Variants in LUZP2 observed in about 807,000 individuals in gnomAD.
The protein encoded by LUZP2 is leucine zipper protein 2.
Under a neutral mutation model 51.6 loss-of-function variants are expected in LUZP2, and 52 were observed. That is an observed-to-expected ratio of 1.01 (90% CI 0.81 to 1.27). The LOEUF (loss-of-function observed/expected upper bound fraction) is 1.27, where lower values mean the gene tolerates loss of function less well. Ranked by LOEUF, LUZP2 falls within the 50% of genes most tolerant of loss-of-function variation. LUZP2 has a pLI of 0.00. For synonymous variants in LUZP2, 154 were observed against 137.3 expected (o/e 1.12, Z -0.85); for missense variants, 436 against 395.4 (o/e 1.10, Z -0.87).
chr11:24,929,742 C>T (rs1228856469), intron 7 of LUZP2, among the ~76,000 whole-genome samples: 1 of 152,026 alleles, frequency 6.6e-6, no homozygotes, highest in Admixed American at 6.6e-5. Context: ...TCCATTTGTT[C>T]TAGGGTATAG....
rs553696425 is a variant in LUZP2, at chr11:25,081,029, A to ATTTTTTTTTTTT, written c.*2381_*2392dup. 4.0e-5 allele frequency: 4 copies of ATTTTTTTTTTTT among 100,704 alleles called. 1 individual carries two copies. Among genetic ancestry groups the ATTTTTTTTTTTT allele is most frequent in the African/African-American group, 1.5e-4 (4 of 26,510 alleles). 6.2% of individuals were successfully genotyped at this position (100,704 alleles called of 1,614,324 possible). ...ATCAAGTGGGCTTTGGATCCATATG[A>ATTTTTTTTTTTT]TTTTTTTTTTTTTTTTTTTTTGAGA... On this transcript the variant is annotated 3_prime_UTR_variant, in exon 12 of 12. Coordinates refer to ENST00000336930, the MANE Select transcript of LUZP2 (RefSeq NM_001009909.4).
intron 1 of LUZP2, among the ~76,000 whole-genome samples, chr11:24,606,470 C>T (rs1416011188): frequency 6.6e-6 from 1 of 151,942 alleles, no homozygotes; most frequent in Non-Finnish European, 1.5e-5. Flanking sequence ...AGTTGAGGAA[C>T]CTGTAGGTGT....
chr11:24,966,173 A>T (rs1339658586), intron 7 of LUZP2, among the ~76,000 whole-genome samples: 3 of 151,670 alleles, frequency 2.0e-5, no homozygotes, highest in African/African-American at 7.2e-5. Flanking sequence ...ACCACTTTTC[A>T]TTTATTCAAT....
chr11:24,729,949 T>A (rs151139839), intron 2 of LUZP2, among the ~76,000 whole-genome samples: 8 of 151,828 alleles, frequency 5.3e-5, no homozygotes, highest in African/African-American at 1.9e-4. Flanking sequence ...AGGAAAGATA[T>A]GTTATTTTTG....
At chr11:25,051,803 G>A (rs1858525275) in intron 10 of LUZP2, among the ~76,000 whole-genome samples, 2 of 152,182 alleles carry the variant, frequency 1.3e-5, no homozygotes, top group South Asian at 4.1e-4. Flanking sequence ...ATAAAAACAT[G>A]TTCTCATTGG....
Position 24,917,464 on chromosome 11 carries a change from T to C in LUZP2, c.522+2926T>C, listed in dbSNP as rs551427198. ...GTTTTCTTCTAGGATTTTTATGGTT[T>C]TAGGTCTAACATGTAAGTCTTTAAT... On this transcript the variant is annotated intron_variant, in intron 7 of 11. Coordinates refer to ENST00000336930, the MANE Select transcript of LUZP2 (RefSeq NM_001009909.4). Among the ~76,000 whole-genome samples the C allele has an allele frequency of 2.0e-3, 300 of 152,296 alleles. 3 individuals are homozygous for C. The highest frequency in any genetic ancestry group is 6.8e-3 in the African/African-American group (282 of 41,564).
intron 5 of LUZP2, among the ~76,000 whole-genome samples, chr11:24,902,745 C>T (rs10834542): frequency 0.41 from 61,581 of 151,942 alleles, 14,788 homozygotes; most frequent in East Asian, 0.69. Context: ...ATCTATGTTT[C>T]CTCAGAAAAA....
intron 10 of LUZP2, among the ~76,000 whole-genome samples, chr11:25,073,979 C>A (rs1040074909): frequency 2.6e-5 from 4 of 152,210 alleles, no homozygotes; most frequent in Non-Finnish European, 5.9e-5. Flanking sequence ...CGAAAAATAA[C>A]TTGATCAAGG....
intron 5 of LUZP2, among the ~76,000 whole-genome samples, chr11:24,822,578 A>G (rs1850392838): frequency 6.6e-6 from 1 of 152,092 alleles, no homozygotes; most frequent in Non-Finnish European, 1.5e-5. Flanking sequence ...TTGTTCTTTT[A>G]GGGTCCTAAA....
At chr11:24,543,322 C>T (rs1161370238) in intron 1 of LUZP2, among the ~76,000 whole-genome samples, 1 of 151,928 alleles carries the variant, frequency 6.6e-6, no homozygotes, top group Non-Finnish European at 1.5e-5. Flanking sequence ...AATGTAGGTC[C>T]CTTGAAAGAA....
intron 5 of LUZP2, among the ~76,000 whole-genome samples, chr11:24,904,444 G>T (rs999088846): frequency 6.6e-6 from 1 of 151,796 alleles, no homozygotes; most frequent in Non-Finnish European, 1.5e-5. Context: ...CACCACGCCC[G>T]GCTAATTTTT....
chr11:25,033,510 T>G (rs1857761646), intron 9 of LUZP2, among the ~76,000 whole-genome samples: 2 of 152,188 alleles, frequency 1.3e-5, no homozygotes, highest in African/African-American at 4.8e-5. Flanking sequence ...CTTGGGGTAG[T>G]GATCCTGTCA....
intron 1 of LUZP2, among the ~76,000 whole-genome samples, chr11:24,549,528 C>T (rs2403961): frequency 0.42 from 63,663 of 151,836 alleles, 13,841 homozygotes; most frequent in African/African-American, 0.51. Context: ...AGTCGTTTAT[C>T]ATCAAGTGTT....
chr11:24,605,647 A>G (rs1245784259), intron 1 of LUZP2, among the ~76,000 whole-genome samples: 9 of 151,858 alleles, frequency 5.9e-5, no homozygotes, highest in Middle Eastern at 3.2e-3. Flanking sequence ...AACTGTGTAT[A>G]TTCAAGGTAT....
chr11:24,627,476 A>G (rs1854722476), intron 1 of LUZP2, among the ~76,000 whole-genome samples: 1 of 152,120 alleles, frequency 6.6e-6, no homozygotes, highest in Non-Finnish European at 1.5e-5. Flanking sequence ...TGGAGACCCA[A>G]ATTCATTTTT....
intron 1 of LUZP2, among the ~76,000 whole-genome samples, chr11:24,694,906 A>G (rs1000556558): frequency 2.1e-5 from 3 of 145,330 alleles, no homozygotes; most frequent in African/African-American, 7.7e-5. Flanking sequence ...AACATCACAC[A>G]TTGGGGCCTA....
At chr11:24,724,296 G>T (rs545215712) in intron 1 of LUZP2, among the ~76,000 whole-genome samples, 15 of 152,108 alleles carry the variant, frequency 9.9e-5, no homozygotes, top group Admixed American at 1.3e-4. Flanking sequence ...CAAGCCAGGG[G>T]TCATGGCTCA....
At chr11:24,612,718 C>T (rs947741852) in intron 1 of LUZP2, among the ~76,000 whole-genome samples, 3 of 152,028 alleles carry the variant, frequency 2.0e-5, no homozygotes, top group African/African-American at 7.2e-5. Context: ...TAACATTGTT[C>T]ATAATCTAAT....
chr11:24,996,047 C>A (rs941610555), intron 9 of LUZP2, among the ~76,000 whole-genome samples: 4 of 150,094 alleles, frequency 2.7e-5, no homozygotes, highest in Admixed American at 2.0e-4. Context: ...TTTATTTTCT[C>A]TTTGTTATTG....
Sources: gnomAD v4.1 joint callset for allele counts (sites outside exome capture counted in the v4.1 genomes callset) on GRCh38, gnomAD v4.1.1 for gene constraint, MANE v1.5 for transcripts, NCBI Gene and HGNC (gene_info 2026-07-23, HGNC 2026-07-21) for gene names.